Variants in PIK3C2G observed in about 807,000 individuals in gnomAD.
The protein encoded by PIK3C2G is phosphatidylinositol 3-kinase C2 domain-containing subunit gamma.
In PIK3C2G, 168 loss-of-function variants were observed where a neutral mutation model predicts 181.1. The ratio of observed to expected loss-of-function variants is 0.93; its 90% CI spans 0.82 to 1.05. PIK3C2G has a LOEUF of 1.05. Ranked by LOEUF, PIK3C2G falls within the 50% of genes least tolerant of loss-of-function variation. The pLI is 0.00. For synonymous variants in PIK3C2G, 573 were observed against 592.2 expected, an observed-to-expected ratio of 0.97 and a Z score of 0.47; for missense variants, 1,869 against 1,732.8, an observed-to-expected ratio of 1.08 and a Z score of -1.40.
At chr12:18,422,056 C>A (rs753254471) in intron 17 of PIK3C2G, among the ~76,000 whole-genome samples, 15 of 151,946 alleles carry the variant, frequency 9.9e-5, no homozygotes, top group Non-Finnish European at 1.9e-4. Context: ...TATTTCGAGC[C>A]CAATTCAGGA....
At chr12:18,511,007 T>C (rs1942172160) in intron 24 of PIK3C2G, among the ~76,000 whole-genome samples, 1 of 152,122 alleles carries the variant, frequency 6.6e-6, no homozygotes, top group South Asian at 2.1e-4. Context: ...CCTCACTCCC[T>C]AAGACTCTGA....
chr12:18,445,387 A>T (rs1946968982), intron 18 of PIK3C2G, among the ~76,000 whole-genome samples: 1 of 151,626 alleles, frequency 6.6e-6, no homozygotes, highest in Admixed American at 6.6e-5. Context: ...AAATATAATC[A>T]TATACTGCTT....
chr12:18,594,162 C>T (rs1050658971), intron 29 of PIK3C2G, among the ~76,000 whole-genome samples: 7 of 151,762 alleles, frequency 4.6e-5, no homozygotes, highest in African/African-American at 1.7e-4. Context: ...AAGGATACAC[C>T]TTGTTTTCGA....
chr12:18,248,566 A>G (rs1464062550), intron 1 of PIK3C2G, among the ~76,000 whole-genome samples: 1 of 147,654 alleles, frequency 6.8e-6, no homozygotes, highest in Admixed American at 6.9e-5. Flanking sequence ...GCGAGACTCC[A>G]TCTCAAACAA....
chr12:18,359,989 T>G (rs1941090946), intron 11 of PIK3C2G, among the ~76,000 whole-genome samples: 1 of 152,174 alleles, frequency 6.6e-6, no homozygotes, highest in Non-Finnish European at 1.5e-5. Context: ...AGTAAAGGAC[T>G]TACTATTGCC....
At chr12:18,428,535 C>T (rs1945969265) in intron 18 of PIK3C2G, among the ~76,000 whole-genome samples, 1 of 152,172 alleles carries the variant, frequency 6.6e-6, no homozygotes, top group South Asian at 2.1e-4. Flanking sequence ...TATATATCCT[C>T]AACAGCGCTC....
rs12315010 is a variant in PIK3C2G, at chr12:18,538,319, C to A, written c.3480+7C>A. ...CTTGAACCTGCTGGAAATGGTAAGT[C>A]CCTTGGGAAAAAAAAACAAAAATAA... is the stretch of plus-strand genomic sequence containing the variant. On this transcript the variant is annotated splice_region_variant and intron_variant, in intron 25 of 32. Transcript: ENST00000538779. The A allele has an allele frequency of 6.3e-7, 1 of 1,578,124 alleles. No individual in the cohort carries two copies. Among genetic ancestry groups the A allele is most frequent in the Non-Finnish European group, 8.6e-7 (1 of 1,168,306 alleles).
At chr12:18,650,329 CTCTATA>C (rs1406132913), downstream of PIK3C2G, among the ~76,000 whole-genome samples, 2 of 82,442 alleles carry the variant, frequency 2.4e-5, no homozygotes, top group Non-Finnish European at 4.7e-5. Flanking sequence ...CTCTCTCTCT[CTCTATA>C]TATATATATA....
chr12:18,306,066 A>T (rs1950408675), intron 5 of PIK3C2G, among the ~76,000 whole-genome samples: 1 of 151,296 alleles, frequency 6.6e-6, no homozygotes, highest in Admixed American at 6.6e-5. Context: ...TTTCCAGATT[A>T]AAAAAAAACC....
intron 26 of PIK3C2G, among the ~76,000 whole-genome samples, chr12:18,558,128 G>T (rs1404228507): frequency 6.6e-6 from 1 of 152,046 alleles, no homozygotes; most frequent in Non-Finnish European, 1.5e-5. Context: ...CAGCTATTTA[G>T]GATAGTATAA....
intron 1 of PIK3C2G, among the ~76,000 whole-genome samples, chr12:18,277,459 T>C (rs1024261625): frequency 2.0e-5 from 3 of 152,182 alleles, no homozygotes; most frequent in African/African-American, 7.2e-5. Flanking sequence ...TCATTAGACA[T>C]TGACACATCC....
chr12:18,478,873 G>C (rs1361610148), intron 18 of PIK3C2G, among the ~76,000 whole-genome samples: 4 of 151,792 alleles, frequency 2.6e-5, no homozygotes, highest in African/African-American at 9.7e-5. Flanking sequence ...TACTCAGGAG[G>C]GTGAGGTGGG....
intron 12 of PIK3C2G, among the ~76,000 whole-genome samples, chr12:18,366,327 G>T (rs1432365844): frequency 6.6e-6 from 1 of 152,198 alleles, no homozygotes; most frequent in African/African-American, 2.4e-5. Context: ...GAGGTCAGGA[G>T]TTCAAGACCA....
chr12:18,711,319 G>A, the PIK3C2G span, among the ~76,000 whole-genome samples: 2 of 141,578 alleles, frequency 1.4e-5, no homozygotes, highest in Non-Finnish European at 3.0e-5. Context: ...TCACTCATAG[G>A]TGGGAATTGA....
intron 12 of PIK3C2G, among the ~76,000 whole-genome samples, chr12:18,363,321 T>G (rs1202026018): frequency 6.6e-6 from 1 of 152,178 alleles, no homozygotes; most frequent in African/African-American, 2.4e-5. Context: ...CAAGTTTTTT[T>G]GACAATAAAC....
chr12:18,550,205 C>T (rs781260418), intron 26 of PIK3C2G, among the ~76,000 whole-genome samples: 2 of 152,050 alleles, frequency 1.3e-5, no homozygotes, highest in African/African-American at 2.4e-5. Context: ...TTAATTGTAA[C>T]TGTAACTACC....
chr12:18,627,900 GAA>G (rs1167234159), intron 31 of PIK3C2G, among the ~76,000 whole-genome samples: 1 of 152,058 alleles, frequency 6.6e-6, no homozygotes, highest in Non-Finnish European at 1.5e-5. Flanking sequence ...TTAAGCTAAA[GAA>G]AAGATGAAAA....
At chr12:18,651,326 T>A (rs115025337), downstream of PIK3C2G, among the ~76,000 whole-genome samples, 2,725 of 152,202 alleles carry the variant, frequency 0.018, 83 homozygotes, top group African/African-American at 0.062. Context: ...GAACACCCTA[T>A]GTGAGATGTT....
intron 14 of PIK3C2G, among the ~76,000 whole-genome samples, chr12:18,389,697 T>G (rs1018317678): frequency 2.0e-5 from 3 of 152,156 alleles, no homozygotes; most frequent in African/African-American, 7.2e-5. Context: ...ATATTTTCTA[T>G]AGTAACTCAA....
Sources: allele counts gnomAD v4.1 joint callset (sites outside exome capture counted in the v4.1 genomes callset), GRCh38; gene constraint gnomAD v4.1.1; transcripts MANE v1.5; gene names NCBI Gene and HGNC (gene_info 2026-07-23, HGNC 2026-07-21).